Variants in DOCK1 observed in about 807,000 individuals in gnomAD.
The protein encoded by DOCK1 is dedicator of cytokinesis protein 1.
In DOCK1, 138 loss-of-function variants were observed where a neutral mutation model predicts 262.7. The observed-to-expected ratio is 0.53, with a 90% CI of 0.46 to 0.61. The LOEUF (loss-of-function observed/expected upper bound fraction) is 0.61. Among genes scored for constraint, DOCK1 ranks in the 20% least tolerant of loss-of-function variants. The probability of loss-of-function intolerance (pLI) is 0.00; values close to 1 mark genes in which losing one functional copy is unlikely to be tolerated. For missense variants in DOCK1, 1,908 were observed against 2,370.7 expected, an observed-to-expected ratio of 0.80 and a Z score of 4.05; for synonymous variants, 866 against 867.4, an observed-to-expected ratio of 1.00 and a Z score of 0.03.
At chr10:127,221,660 A>G (rs1440016962) in intron 27 of DOCK1, among the ~76,000 whole-genome samples, 1 of 152,228 alleles carries the variant, frequency 6.6e-6, no homozygotes, top group African/African-American at 2.4e-5. Flanking sequence ...AAAGTGCATC[A>G]ACGCTCAAGG....
chr10:127,011,364 CT>C (rs1248342757), intron 11 of DOCK1, among the ~76,000 whole-genome samples: 2 of 152,166 alleles, frequency 1.3e-5, no homozygotes, highest in East Asian at 3.9e-4. Context: ...CCCTCCCTGT[CT>C]TTTTTAACTT....
At position 126,915,306 on chromosome 10, in the gene DOCK1, C is replaced by T. The variant is rs192115784; in HGVS notation, c.46+9743C>T. Among the ~76,000 whole-genome samples the T allele has an allele frequency of 8.3e-4, 127 of 152,248 alleles. 1 individual carries two copies. The East Asian group carries it at 8.5e-3, about 10-fold the overall frequency. ...AGACGGAAGTGATGCCAAGGACAGA[C>T]GCCGCCTTTTTCCTTGGGGTGTATT... On this transcript the variant is annotated intron_variant, in intron 1 of 51. Coordinates refer to ENST00000623213, the MANE Select transcript of DOCK1 (RefSeq NM_001290223.2).
chr10:126,989,240 G>C (rs2039629276), intron 5 of DOCK1, among the ~76,000 whole-genome samples: 1 of 152,110 alleles, frequency 6.6e-6, no homozygotes, highest in African/African-American at 2.4e-5. Flanking sequence ...TCAGTACGTG[G>C]TTTAGATATG....
chr10:127,186,620 C>T (rs566353651), intron 27 of DOCK1, among the ~76,000 whole-genome samples: 4 of 149,838 alleles, frequency 2.7e-5, no homozygotes, highest in South Asian at 4.3e-4. Flanking sequence ...AGAGCCAAAC[C>T]GTATCAGAGG....
intron 11 of DOCK1, among the ~76,000 whole-genome samples, chr10:127,010,190 G>A (rs2041322826): frequency 1.3e-5 from 2 of 152,226 alleles, no homozygotes; most frequent in Admixed American, 1.3e-4. Context: ...AAATGAGCTG[G>A]GCGCAGTGGC....
intron 1 of DOCK1, among the ~76,000 whole-genome samples, chr10:126,946,716 G>A (rs1254185995): frequency 4.6e-5 from 7 of 152,106 alleles, no homozygotes; most frequent in African/African-American, 1.2e-4. Flanking sequence ...AGTATCTTCC[G>A]GGTTCATCCA....
At chr10:127,322,007 G>T (rs1480250442) in intron 29 of DOCK1, among the ~76,000 whole-genome samples, 3 of 151,892 alleles carry the variant, frequency 2.0e-5, no homozygotes, top group Non-Finnish European at 4.4e-5. Flanking sequence ...GGAGGCTGAG[G>T]CACGAGGATC....
chr10:126,950,999 TTGG>T (rs1434451340), intron 1 of DOCK1, among the ~76,000 whole-genome samples: 4 of 151,600 alleles, frequency 2.6e-5, no homozygotes, highest in African/African-American at 4.8e-5. Flanking sequence ...AGTATTGATG[TTGG>T]TGGGGGTGGT....
chr10:127,109,001 A>T (rs1055644096), intron 24 of DOCK1, among the ~76,000 whole-genome samples: 27 of 152,124 alleles, frequency 1.8e-4, no homozygotes, highest in South Asian at 4.2e-4. Context: ...AAGTTTTTTT[A>T]AAAAAAATAT....
intron 1 of DOCK1, among the ~76,000 whole-genome samples, chr10:126,907,027 G>A (rs1036036308): frequency 2.6e-5 from 4 of 152,220 alleles, no homozygotes; most frequent in Non-Finnish European, 5.9e-5. Flanking sequence ...AAGTGCAGGA[G>A]AGCTCATCTG....
At chr10:127,434,467 G>C (rs1040045846) in intron 48 of DOCK1, among the ~76,000 whole-genome samples, 3 of 152,080 alleles carry the variant, frequency 2.0e-5, no homozygotes, top group Admixed American at 2.0e-4. Flanking sequence ...GAACAGTTCG[G>C]TGGCATTGCG....
intron 29 of DOCK1, among the ~76,000 whole-genome samples, chr10:127,322,466 G>A (rs2062577969): frequency 6.6e-6 from 1 of 151,920 alleles, no homozygotes; most frequent in Non-Finnish European, 1.5e-5. Context: ...CTGGATTACA[G>A]GAATGAGCCA....
intron 27 of DOCK1, among the ~76,000 whole-genome samples, chr10:127,181,067 C>G (rs574484107): frequency 2.0e-5 from 3 of 152,200 alleles, no homozygotes; most frequent in South Asian, 2.1e-4. Flanking sequence ...AAGAAAAACC[C>G]AGAAATGATG....
intron 4 of DOCK1, among the ~76,000 whole-genome samples, chr10:126,982,750 A>G (rs1435661548): frequency 6.6e-6 from 1 of 152,216 alleles, no homozygotes; most frequent in Non-Finnish European, 1.5e-5. Context: ...GAAGAAAATA[A>G]TTTAGAGGCA....
At chr10:127,407,811 C>T (rs1338424569) in intron 40 of DOCK1, among the ~76,000 whole-genome samples, 2 of 152,062 alleles carry the variant, frequency 1.3e-5, no homozygotes, top group African/African-American at 2.4e-5. Context: ...TCAGCAACCA[C>T]GCCCCGTCCT....
intron 25 of DOCK1, among the ~76,000 whole-genome samples, chr10:127,110,804 A>G (rs1320331252): frequency 6.6e-6 from 1 of 152,196 alleles, no homozygotes; most frequent in Non-Finnish European, 1.5e-5. Flanking sequence ...AATTTCAATG[A>G]TTCTTCAACT....
chr10:127,027,511 G>A (rs570026199), intron 16 of DOCK1, among the ~76,000 whole-genome samples: 39 of 152,210 alleles, frequency 2.6e-4, no homozygotes, highest in African/African-American at 8.7e-4. Context: ...GCTTGAACCC[G>A]GGAGGCAGAG....
intron 25 of DOCK1, among the ~76,000 whole-genome samples, chr10:127,117,272 T>C (rs144611749): frequency 1.1e-4 from 16 of 152,300 alleles, no homozygotes; most frequent in African/African-American, 3.8e-4. Flanking sequence ...AGTGATTATC[T>C]CAATGCTCAG....
chr10:127,338,014 G>C (rs7911659), intron 29 of DOCK1, among the ~76,000 whole-genome samples: 228 of 152,302 alleles, frequency 1.5e-3, no homozygotes, highest in African/African-American at 5.4e-3. Context: ...TGGCCAGGGC[G>C]TGGGGAGCTT....
Sources: gnomAD v4.1 joint callset for allele counts (sites outside exome capture counted in the v4.1 genomes callset) on GRCh38, gnomAD v4.1.1 for gene constraint, MANE v1.5 for transcripts, NCBI Gene and HGNC (gene_info 2026-07-23, HGNC 2026-07-21) for gene names.